The following NCOA7 variants were observed in gnomAD, a reference collection of about 807,000 sequenced individuals.
The protein encoded by NCOA7 is 140 kDa estrogen receptor-associated protein.
NCOA7 carries 45 observed loss-of-function variants against 104.3 expected under a neutral mutation model. That is an observed-to-expected ratio of 0.43 (90% CI 0.34 to 0.55). The LOEUF (loss-of-function observed/expected upper bound fraction) is 0.55. Among genes scored for constraint, NCOA7 ranks in the 20% least tolerant of loss-of-function variants. The pLI, the probability that NCOA7 is intolerant of heterozygous loss-of-function variation, is 0.02. For missense variants in NCOA7, 1,041 were observed against 1,119.7 expected (o/e 0.93, Z 1.00); for synonymous variants, 398 against 402.3 (o/e 0.99, Z 0.13).
At chr6:125,901,235 A>G (rs1394900338) in intron 10 of NCOA7, among the ~76,000 whole-genome samples, 1 of 152,126 alleles carries the variant, frequency 6.6e-6, no homozygotes, top group Admixed American at 6.5e-5. Flanking sequence ...TGTAATAGCT[A>G]TTAAATTGTT....
rs1248787646 is a variant in NCOA7 at position 125,889,510 on chromosome 6, A to T, written c.1456A>T (p.Thr486Ser). 6.2e-7 allele frequency: 1 copy of T among 1,613,934 alleles called. No individual in the cohort carries two copies. The highest frequency in any genetic ancestry group is 1.3e-5 in the African/African-American group (1 of 74,906). Residue 486 changes from threonine (T) to serine (S), a missense_variant, in exon 9 of 16, where the codon ACC becomes TCC. Around this residue, in one of 2 missense-constraint regions of NCOA7, gnomAD observed 914 missense variants for 942.7 expected, o/e 0.97. Coordinates refer to ENST00000392477, the MANE Select transcript of NCOA7 (RefSeq NM_181782.5). Reference sequence around the variant, plus strand: ...ACTGAAGGGGGCGCTAGATTTAGAAACCTGTGAGAAGCAAGATATAATGCC... The same window carrying T: ...ACTGAAGGGGGCGCTAGATTTAGAATCCTGTGAGAAGCAAGATATAATGCC... ...VELKGALDLE[T>S]CEKQDIMPEV... is the part of the protein sequence containing the mutation.
chr6:125,905,501 A>T (rs2128676551), intron 10 of NCOA7, among the ~76,000 whole-genome samples: 1 of 152,190 alleles, frequency 6.6e-6, no homozygotes, highest in African/African-American at 2.4e-5. Flanking sequence ...ACCTCAAATG[A>T]TCTGCCTGCT....
exon 1 of NCOA7, chr6:125,781,207 A>G (rs1219559159): frequency 1.3e-5 from 2 of 152,372 alleles, no homozygotes; most frequent in South Asian, 2.1e-4. Flanking sequence ...ATATAACTCA[A>G]CTTTGAAAAT....
chr6:125,841,181 C>T (rs1027722152), intron 2 of NCOA7, among the ~76,000 whole-genome samples: 6 of 150,928 alleles, frequency 4.0e-5, no homozygotes, highest in African/African-American at 4.9e-5. Flanking sequence ...TGAGCCACCG[C>T]GCCTGGCCTA....
rs576841743 is a variant in NCOA7, at chr6:125,883,413, G to A, written c.699+862G>A. 1.0e-3 allele frequency among the ~76,000 whole-genome samples: 157 copies of A among 152,258 alleles called. 1 individual carries two copies. The highest frequency in any genetic ancestry group is 3.4e-3 in the African/African-American group (143 of 41,556). The stretch of plus-strand genomic sequence containing the variant: ...TCACCCAATTACAGTGTAAAATCCA[G>A]TGATTTTTAGTTTCTTCACATAGTT... On this transcript the variant is annotated intron_variant, in intron 7 of 15. Transcript: ENST00000392477.
intron 10 of NCOA7, among the ~76,000 whole-genome samples, chr6:125,902,420 C>T (rs1304735533): frequency 6.6e-6 from 1 of 151,666 alleles, no homozygotes; most frequent in African/African-American, 2.4e-5. Flanking sequence ...GCGGAACCAA[C>T]TTGGGAATTC....
At chr6:125,902,651 C>A (rs1159507114) in intron 10 of NCOA7, among the ~76,000 whole-genome samples, 1 of 152,144 alleles carries the variant, frequency 6.6e-6, no homozygotes, top group Non-Finnish European at 1.5e-5. Flanking sequence ...CATCAACTCT[C>A]CAATTTTTCA....
Position 125,874,956 on chromosome 6 carries a change from T to A in NCOA7, c.339T>A (p.Thr113=). 1 of 1,612,484 alleles carries A rather than the reference T, an allele frequency of 6.2e-7. No homozygotes were observed. Residue 113 remains threonine (T), a synonymous_variant, in exon 4 of 16, where the codon ACT becomes ACA. Transcript: ENST00000392477. ...KKMVVQKPHG[T]MEYTAGNQDT... ...TGGTGGTTCAGAAGCCCCATGGGAC[T>A]ATGGAATACACTGTGAGTATAACCA...
intron 9 of NCOA7, among the ~76,000 whole-genome samples, 193 bp downstream of exon 9, chr6:125,890,174 G>T (rs1420480120): frequency 1.3e-5 from 2 of 152,148 alleles, no homozygotes; most frequent in Non-Finnish European, 2.9e-5. Flanking sequence ...CTTGGACTGT[G>T]ACATAGATCT....
In NCOA7 at chr6:125,921,027, C is replaced by A. The variant is rs141472152; in HGVS notation, c.2329C>A (p.Arg777=). 397 of 1,613,754 alleles carry A rather than the reference C, an allele frequency of 2.5e-4. 1 individual carries two copies. Among genetic ancestry groups the A allele is most frequent in the South Asian group, 1.2e-3 (110 of 91,080 alleles). Residue 777 remains arginine (R), a synonymous_variant, in exon 12 of 16, where the codon CGG becomes AGG. Coordinates refer to ENST00000392477, the MANE Select transcript of NCOA7 (RefSeq NM_181782.5). The part of the protein sequence containing the change: ...DEDEEVLPVL[R]PHSALLENMH... ...GGACGAAGAGGTGCTGCCTGTCCTA[C>A]GGCCCCACAGCGCGCTCCTGGAGAA... is the stretch of plus-strand genomic sequence containing the variant.
Position 125,921,006 on chromosome 6 carries a change from G to A in NCOA7, c.2308G>A (p.Glu770Lys), listed in dbSNP as rs146432117. 1.1e-4 allele frequency: 184 copies of A among 1,613,822 alleles called. No homozygotes were observed. Among genetic ancestry groups the A allele is most frequent in the Admixed American group, 1.7e-4 (10 of 59,998 alleles). The change falls in exon 12 of 16, where the codon GAA (glutamate) becomes AAA (lysine). Residue 770 changes from glutamate (E) to lysine (K), a missense_variant. Physicochemically the swap from Glu to Lys is moderately conservative, Grantham distance 56. Coordinates refer to ENST00000392477, the MANE Select transcript of NCOA7 (RefSeq NM_181782.5). ...STCSYYEDEDEEVLPVLRPHS... is the reference protein window; with the variant it reads ...STCSYYEDEDKEVLPVLRPHS... ...ATGCAGCTACTATGAAGACGAGGACGAAGAGGTGCTGCCTGTCCTACGGCC... is the reference window on the plus strand; with the variant it reads ...ATGCAGCTACTATGAAGACGAGGACAAAGAGGTGCTGCCTGTCCTACGGCC...
chr6:125,815,468 C>G, intron 2 of NCOA7, 64 bp downstream of exon 2: 1 of 1,344,328 alleles, frequency 7.4e-7, no homozygotes, highest in Admixed American at 1.8e-5. Context: ...GGACTTTGTC[C>G]TCAAGTATTA....
At chr6:125,829,915 G>A (rs912006294) in intron 2 of NCOA7, among the ~76,000 whole-genome samples, 4 of 152,118 alleles carry the variant, frequency 2.6e-5, no homozygotes, top group African/African-American at 9.7e-5. Flanking sequence ...CTTAATACAG[G>A]CATCATGCCT....
At position 125,874,893 on chromosome 6, in the gene NCOA7, C is replaced by T. The variant is rs200239027; in HGVS notation, c.276C>T (p.Asp92=). The T allele has an allele frequency of 1.2e-6, 2 of 1,611,152 alleles. No homozygotes were observed. Among genetic ancestry groups the T allele is most frequent in the Admixed American group, 1.7e-5 (1 of 59,968 alleles). ...TELKRYYSID[D]NQNKTHDKKE... ...TACATACAATTTATTCTTCAGATGACAATCAAAACAAAACACATGATAAAA... is the reference window on the plus strand; with the variant it reads ...TACATACAATTTATTCTTCAGATGATAATCAAAACAAAACACATGATAAAA... The change falls in exon 4 of 16, where the codon GAC becomes GAT. Residue 92 remains aspartate, a synonymous_variant. Coordinates refer to ENST00000392477, the MANE Select transcript of NCOA7 (RefSeq NM_181782.5).
intron 10 of NCOA7, among the ~76,000 whole-genome samples, chr6:125,911,211 T>A (rs913706794): frequency 1.3e-5 from 2 of 152,224 alleles, no homozygotes; most frequent in African/African-American, 4.8e-5. Flanking sequence ...AGCATTTATA[T>A]GGAACATGTT....
chr6:125,902,176 C>T (rs1198245551), intron 10 of NCOA7, among the ~76,000 whole-genome samples: 3 of 152,240 alleles, frequency 2.0e-5, no homozygotes. Context: ...GGGTGGAACC[C>T]TTGCAGAGAC....
chr6:125,882,354 G>C lies in NCOA7; in HGVS notation c.574-72G>C, dbSNP rs1433903568. On this transcript the variant is annotated intron_variant, in intron 6 of 15. Transcript: ENST00000392477. ...ATAGTATACTCACAGGGAATTTATG[G>C]GGCTTGATTTATACACATAATTTGT... The C allele has an allele frequency of 1.1e-5, 17 of 1,487,640 alleles. 1 individual carries two copies. The South Asian group carries it at 1.6e-4, about 14-fold the overall frequency. 92.2% of individuals were successfully genotyped at this position (1,487,640 alleles called of 1,614,324 possible). A position where few individuals can be genotyped will look rare whatever the true frequency, so the allele number is the denominator to read the frequency against.
intron 2 of NCOA7, among the ~76,000 whole-genome samples, chr6:125,830,723 A>T (rs201093347): frequency 2.1e-4 from 10 of 47,892 alleles, no homozygotes; most frequent in South Asian, 1.9e-3. Context: ...TATATATTTT[A>T]TATATATATA....
chr6:125,803,699 G>T (rs1183415583), intron 1 of NCOA7, among the ~76,000 whole-genome samples: 1 of 152,204 alleles, frequency 6.6e-6, no homozygotes, highest in Non-Finnish European at 1.5e-5. Flanking sequence ...TAGTGAAATG[G>T]CAGTTTAATG....
Sources: allele counts gnomAD v4.1 joint callset (sites outside exome capture counted in the v4.1 genomes callset), GRCh38; gene constraint gnomAD v4.1.1; regional missense constraint gnomAD v4.1.1; transcripts MANE v1.5; gene names NCBI Gene and HGNC (gene_info 2026-07-23, HGNC 2026-07-21).